The following IKZF4 variants were observed in gnomAD, a reference collection of about 807,000 sequenced individuals.
IKZF4 encodes the protein zinc finger protein Eos.
A neutral mutation model predicts 47.7 loss-of-function variants in IKZF4; 11 were observed. The ratio of observed to expected loss-of-function variants is 0.23; its 90% CI spans 0.15 to 0.38. IKZF4 has a LOEUF of 0.38. Among genes scored for constraint, IKZF4 ranks in the 10% least tolerant of loss-of-function variants. The pLI is 1.00. For missense variants in IKZF4, 557 were observed against 784.9 expected (o/e 0.71, Z 3.47); for synonymous variants, 298 against 299.4 (o/e 1.00, Z 0.05).
At chr12:56,020,438 G>GC (rs1016077687), upstream of IKZF4, among the ~76,000 whole-genome samples, 1 of 152,224 alleles carries the variant, frequency 6.6e-6, no homozygotes, top group Non-Finnish European at 1.5e-5. Context: ...AGCAGGGCTT[G>GC]CCCCAAGTTT....
At position 56,021,272 on chromosome 12, in the gene IKZF4, TC is replaced by T. The variant is rs1272277593; in HGVS notation, c.-219del. 7.2e-7 allele frequency: 1 copy of T among 1,380,406 alleles called. No individual in the cohort carries two copies. Among genetic ancestry groups the T allele is most frequent in the African/African-American group, 1.9e-5 (1 of 52,936 alleles). 85.5% of individuals were successfully genotyped at this position (1,380,406 alleles called of 1,614,324 possible). A position where few individuals can be genotyped will look rare whatever the true frequency, so the allele number is the denominator to read the frequency against. ...AAGCGTGCTCTCCCCTCTCCTTCTC[TC>T]CCTCTCTCTCTCTCTCTCTCTCACA... On this transcript the variant is annotated 5_prime_UTR_variant, in exon 1 of 8. Transcript: ENST00000547167.
intron 5 of IKZF4, among the ~76,000 whole-genome samples, chr12:56,028,728 C>T (rs1894461532): frequency 1.3e-5 from 2 of 151,800 alleles, no homozygotes; most frequent in African/African-American, 4.8e-5. Flanking sequence ...AAGGATACTG[C>T]CACACCCAGC....
At chr12:56,028,647 A>G (rs1320755537) in intron 5 of IKZF4, among the ~76,000 whole-genome samples, 19 of 150,700 alleles carry the variant, frequency 1.3e-4, no homozygotes, top group Admixed American at 6.6e-4. Context: ...TAGTGGTGCA[A>G]TTTTGGCTCC....
At chr12:56,029,349 C>G (rs1299457061) in intron 5 of IKZF4, among the ~76,000 whole-genome samples, 1 of 152,142 alleles carries the variant, frequency 6.6e-6, no homozygotes. Context: ...TTTTACTAAG[C>G]TTTAGGCTTT....
chr12:56,018,248 C>T, upstream of IKZF4: 1 of 1,163,416 alleles, frequency 8.6e-7, no homozygotes, highest in Non-Finnish European at 1.1e-6. Flanking sequence ...GAGCAGAGAG[C>T]CTTCAGCCTA....
At chr12:56,015,556 G>C (rs1181440908) in intron 2 of IKZF4, among the ~76,000 whole-genome samples, 1 of 151,756 alleles carries the variant, frequency 6.6e-6, no homozygotes, top group Admixed American at 6.6e-5. Context: ...ACCACACCCA[G>C]CTAATTTTTT....
chr12:56,033,410 A>G (rs906011825), intron 7 of IKZF4, 89 bp downstream of exon 7: 5 of 1,554,594 alleles, frequency 3.2e-6, no homozygotes, highest in East Asian at 2.3e-5. Flanking sequence ...GTTTGGGGAA[A>G]GAAAGCAGTC....
chr12:56,038,065 TAC>T lies in IKZF4; in HGVS notation c.*2736_*2737del, dbSNP rs1555207854. Reference sequence around the variant, plus strand: ...TCCTTGTGTACATAATATATATATATACATATATATATATATTTTTAATCAGA... The same window carrying T: ...TCCTTGTGTACATAATATATATATATATATATATATATATTTTTAATCAGA... On this transcript the variant is annotated 3_prime_UTR_variant, in exon 8 of 8. Transcript: ENST00000547167. The T allele has an allele frequency of 6.7e-6, 1 of 148,462 alleles. No homozygotes were observed. Among genetic ancestry groups the T allele is most frequent in the African/African-American group, 2.5e-5 (1 of 40,668 alleles). The allele number at this position is 148,462 out of a possible 1,614,324, so 9.2% of individuals were successfully genotyped here.
At chr12:56,034,192 C>T (rs765283324) in intron 7 of IKZF4, among the ~76,000 whole-genome samples, 15 of 152,132 alleles carry the variant, frequency 9.9e-5, no homozygotes, top group Non-Finnish European at 1.9e-4. Flanking sequence ...TGAGCCACCG[C>T]GCCCGGCCCG....
chr12:56,017,677 TTTC>T (rs1892295000), upstream of IKZF4, among the ~76,000 whole-genome samples: 1 of 152,090 alleles, frequency 6.6e-6, no homozygotes, highest in Non-Finnish European at 1.5e-5. Context: ...GTATGTTGTC[TTTC>T]ACCAGGACAA....
At chr12:56,022,592 C>G (rs1893208505) in intron 1 of IKZF4, among the ~76,000 whole-genome samples, 1 of 152,120 alleles carries the variant, frequency 6.6e-6, no homozygotes, top group South Asian at 2.1e-4. Flanking sequence ...CCCAAGAAAG[C>G]CTTTCTGACT....
intron 5 of IKZF4, 80 bp downstream of exon 5, chr12:56,028,027 T>A (rs1894297882): frequency 7.1e-7 from 1 of 1,409,862 alleles, no homozygotes; most frequent in African/African-American, 1.5e-5. Context: ...CTCTTGTATT[T>A]GGGGAGTTCC....
At chr12:56,022,230 T>C (rs1893134018) in intron 1 of IKZF4, among the ~76,000 whole-genome samples, 1 of 152,216 alleles carries the variant, frequency 6.6e-6, no homozygotes, top group African/African-American at 2.4e-5. Flanking sequence ...GAGTGGAGGC[T>C]AGCCTCCTTT....
intron 3 of IKZF4, 112 bp from the exon 4 acceptor site, chr12:56,026,669 A>C: frequency 1.7e-6 from 2 of 1,211,122 alleles, no homozygotes; most frequent in East Asian, 2.8e-5. Flanking sequence ...AGCCTGGGCA[A>C]CAAGAGCGAA....
upstream of IKZF4, among the ~76,000 whole-genome samples, chr12:56,016,249 A>G (rs987435483): frequency 1.3e-5 from 2 of 151,168 alleles, no homozygotes; most frequent in Non-Finnish European, 2.9e-5. Flanking sequence ...TCAATATACC[A>G]TTACAAGCAA....
At chr12:56,009,839 C>T (rs1891128260) in intron 1 of IKZF4, among the ~76,000 whole-genome samples, 1 of 152,184 alleles carries the variant, frequency 6.6e-6, no homozygotes, top group African/African-American at 2.4e-5. Flanking sequence ...CAGGACTTGG[C>T]TCAGAAATAA....
chr12:56,021,687 G>GCTGT, intron 1 of IKZF4, 107 bp downstream of exon 1: 1 of 1,005,940 alleles, frequency 9.9e-7, no homozygotes, highest in South Asian at 1.6e-5. Flanking sequence ...GAGGATGGGG[G>GCTGT]CTGTGTGTGT....
intron 7 of IKZF4, 109 bp downstream of exon 7, chr12:56,033,430 G>C (rs1895180497): frequency 2.9e-6 from 4 of 1,392,628 alleles, no homozygotes; most frequent in Non-Finnish European, 4.0e-6. Context: ...CTGGTGGGCT[G>C]GGTGCAGTGG....
intron 1 of IKZF4, among the ~76,000 whole-genome samples, chr12:56,008,096 G>A (rs1401590770): frequency 1.3e-5 from 2 of 152,120 alleles, no homozygotes; most frequent in Admixed American, 1.3e-4. Context: ...CAGCAAAGAG[G>A]GTATCTGAAC....
Sources: allele counts gnomAD v4.1 joint callset (sites outside exome capture counted in the v4.1 genomes callset), GRCh38; gene constraint gnomAD v4.1.1; transcripts MANE v1.5; gene names NCBI Gene and HGNC (gene_info 2026-07-23, HGNC 2026-07-21).